DPYS: variants seen among roughly 807,000 people sequenced by gnomAD.
The protein encoded by DPYS is dihydropyrimidine amidohydrolase.
Under a neutral mutation model 50.3 loss-of-function variants are expected in DPYS, and 39 were observed. That is an observed-to-expected ratio of 0.78 (90% confidence interval 0.60 to 1.01). DPYS has a LOEUF of 1.01. DPYS is among the 50% of genes least tolerant of loss of function. The pLI, the probability that DPYS is intolerant of heterozygous loss-of-function variation, is 0.00. For missense variants in DPYS, 659 were observed against 680.9 expected, an observed-to-expected ratio of 0.97 and a Z score of 0.36; for synonymous variants, 245 against 250.7, an observed-to-expected ratio of 0.98 and a Z score of 0.22.
intron 4 of DPYS, 21 bp from the exon 5 acceptor site, chr8:104,429,722 A>G (rs1812888654): frequency 6.2e-7 from 1 of 1,613,934 alleles, no homozygotes; most frequent in Non-Finnish European, 8.5e-7. Flanking sequence ...TAAAAGAAGC[A>G]TTCATCACTT....
intron 7 of DPYS, among the ~76,000 whole-genome samples, chr8:104,417,530 ATCT>A (rs1812407581): frequency 6.6e-6 from 1 of 152,218 alleles, no homozygotes; most frequent in African/African-American, 2.4e-5. Flanking sequence ...AAGTACCAAG[ATCT>A]TCTACAGAAA....
chr8:104,424,342 T>A lies in DPYS; in HGVS notation c.1140A>T (p.Thr380=). Residue 380 remains threonine, a synonymous_variant, in exon 7 of 10, where the codon ACA becomes ACT. Transcript: ENST00000351513. ...DENRFVAVTS[T]NAAKIFNLYP... is the part of the protein sequence containing the mutation. Reference sequence around the variant, plus strand: ...AGAGATTAAAAATTTTGGCTGCATTTGTGCTGGTAACTGCCACAAATCTGT... The same window carrying A: ...AGAGATTAAAAATTTTGGCTGCATTAGTGCTGGTAACTGCCACAAATCTGT... The A allele has an allele frequency of 6.2e-7, 1 of 1,614,086 alleles. No individual in the cohort carries two copies. Among genetic ancestry groups the A allele is most frequent in the South Asian group, 1.1e-5 (1 of 91,086 alleles).
chr8:104,388,035 T>C (rs1811267489), intron 8 of DPYS, among the ~76,000 whole-genome samples: 1 of 152,242 alleles, frequency 6.6e-6, no homozygotes, highest in Non-Finnish European at 1.5e-5. Context: ...GCATGTGTAT[T>C]ACCTTGTATT....
intron 3 of DPYS, among the ~76,000 whole-genome samples, 199 bp from the exon 4 acceptor site, chr8:104,444,636 G>T (rs969480867): frequency 6.6e-6 from 1 of 151,748 alleles, no homozygotes. Context: ...ATGTATATTT[G>T]GTAAAAATAA....
intron 4 of DPYS, among the ~76,000 whole-genome samples, chr8:104,440,771 TAAAACAA>T (rs1813327774): frequency 6.6e-6 from 1 of 150,992 alleles, no homozygotes; most frequent in Admixed American, 6.6e-5. Flanking sequence ...AAAAAAAACA[TAAAACAA>T]AAAACAAAAA....
chr8:104,400,150 G>A (rs534707794), intron 7 of DPYS, among the ~76,000 whole-genome samples: 2 of 152,170 alleles, frequency 1.3e-5, no homozygotes, highest in Non-Finnish European at 2.9e-5. Flanking sequence ...CCATCTGTGA[G>A]CTCCCCATGG....
At chr8:104,421,162 CA>C (rs1311947843) in intron 7 of DPYS, 1 of 152,006 alleles carries the variant, frequency 6.6e-6, no homozygotes, top group East Asian at 1.9e-4. Flanking sequence ...AATCAGCAGA[CA>C]TAGATAAAGA....
intron 4 of DPYS, among the ~76,000 whole-genome samples, chr8:104,434,474 A>AG (rs1813060420): frequency 6.6e-6 from 1 of 152,152 alleles, no homozygotes; most frequent in Non-Finnish European, 1.5e-5. Context: ...GACTGAGAGG[A>AG]GGGGTCCATT....
At position 104,392,942 on chromosome 8, in the gene DPYS, C is replaced by T. The variant is rs747481093; in HGVS notation, c.1285G>A (p.Glu429Lys). The T allele has an allele frequency of 1.4e-5, 23 of 1,613,984 alleles. No homozygotes were observed. The highest frequency in any genetic ancestry group is 2.2e-5 in the East Asian group (1 of 44,896). The change falls in exon 8 of 10, where the codon GAG (glutamate) becomes AAG (lysine). Residue 429 changes from glutamate to lysine, a missense_variant. Glu to Lys is a moderately conservative substitution (Grantham distance 56). Coordinates refer to ENST00000351513, the MANE Select transcript of DPYS (RefSeq NM_001385.3). ...GGCACCCCGTGGCAAACCATGCCCT[C>T]GAAAATGTTGAAGTTAACAGCCTGA... ...HHQAVNFNIF[E>K]GMVCHGVPLV...
At chr8:104,382,052 G>A (rs1588391366) in intron 8 of DPYS, among the ~76,000 whole-genome samples, 1 of 152,236 alleles carries the variant, frequency 6.6e-6, no homozygotes, top group East Asian at 1.9e-4. Flanking sequence ...ATGCCTCCAG[G>A]CCTACTTCCT....
At chr8:104,381,877 CACACACAT>C (rs1202178459) in intron 8 of DPYS, among the ~76,000 whole-genome samples, 1,574 of 125,332 alleles carry the variant, frequency 0.013, 20 homozygotes, top group African/African-American at 0.042. Flanking sequence ...CACACACACA[CACACACAT>C]ACACACAGAC....
chr8:104,450,301 T>C (rs1813693921), intron 2 of DPYS, among the ~76,000 whole-genome samples: 2 of 152,178 alleles, frequency 1.3e-5, no homozygotes, highest in Admixed American at 6.5e-5. Context: ...CTGTGGACTA[T>C]AAACCTTGCT....
At chr8:104,411,011 A>G (rs543307442) in intron 7 of DPYS, among the ~76,000 whole-genome samples, 1 of 152,212 alleles carries the variant, frequency 6.6e-6, no homozygotes, top group East Asian at 1.9e-4. Context: ...ACTTAGGACA[A>G]TTATTTGGAC....
chr8:104,406,288 T>G (rs1053221133), intron 7 of DPYS, among the ~76,000 whole-genome samples: 1 of 152,222 alleles, frequency 6.6e-6, no homozygotes, highest in Non-Finnish European at 1.5e-5. Context: ...TTAACCTCTC[T>G]GAACCTCTGT....
chr8:104,381,852 T>TCACACACACATA (rs1811057096), intron 8 of DPYS, among the ~76,000 whole-genome samples: 1 of 123,872 alleles, frequency 8.1e-6, no homozygotes, highest in Non-Finnish European at 1.7e-5. Context: ...AGTTTTGAAA[T>TCACACACACATA]CACACACACA....
chr8:104,444,580 A>G, intron 3 of DPYS, 143 bp from the exon 4 acceptor site: 3 of 760,358 alleles, frequency 3.9e-6, no homozygotes, highest in Non-Finnish European at 6.5e-6. Context: ...GTGTGTGTAT[A>G]TGAACATATT....
In DPYS at chr8:104,466,665, C is replaced by T. The variant is rs1422677375; in HGVS notation, c.256G>A (p.Gly86Ser). 4 of 1,520,410 alleles carry T rather than the reference C, an allele frequency of 2.6e-6. No homozygotes were observed. The highest frequency in any genetic ancestry group is 3.5e-6 in the Non-Finnish European group (4 of 1,137,236). The allele number at this position is 1,520,410 out of a possible 1,614,324, so 94.2% of individuals were successfully genotyped here. A position where few individuals can be genotyped will look rare whatever the true frequency, so the allele number is the denominator to read the frequency against. ...CGCGGCGGGGCGGGTACCTTGGTGC[C>T]CTGGTGGAAGTCGTCGATGGACCGC... is the stretch of plus-strand genomic sequence containing the variant. ...GSRSIDDFHQ[G>S]TKAALSGGTT... Residue 86 changes from glycine (G) to serine (S), a missense_variant, in exon 1 of 10, where the codon GGC (glycine) becomes AGC (serine). By Grantham distance (56) the Gly-to-Ser change is moderately conservative. Transcript: ENST00000351513.
chr8:104,386,608 C>CT (rs199736922), intron 8 of DPYS, among the ~76,000 whole-genome samples: 18,745 of 144,336 alleles, frequency 0.13, 1,361 homozygotes, highest in East Asian at 0.2. Flanking sequence ...GCTAGATTTT[C>CT]TTTTTTTTTT....
At chr8:104,453,796 T>C (rs1400707815) in intron 1 of DPYS, among the ~76,000 whole-genome samples, 2 of 152,330 alleles carry the variant, frequency 1.3e-5, no homozygotes, top group Admixed American at 6.5e-5. Context: ...AATACAAATG[T>C]CCATCGACTC....
Sources: allele counts gnomAD v4.1 joint callset (sites outside exome capture counted in the v4.1 genomes callset), GRCh38; gene constraint gnomAD v4.1.1; transcripts MANE v1.5; gene names NCBI Gene and HGNC (gene_info 2026-07-23, HGNC 2026-07-21).